Variants in FAM184B observed in about 807,000 individuals in gnomAD.
FAM184B encodes the protein family with sequence similarity 184 member B, also known as protein FAM184B.
In FAM184B, 111 loss-of-function variants were observed where a neutral mutation model predicts 135.9. That is an observed-to-expected ratio of 0.82 (90% CI 0.70 to 0.96). The LOEUF (loss-of-function observed/expected upper bound fraction) is 0.96. Among genes scored for constraint, FAM184B ranks in the 40% least tolerant of loss-of-function variants. The pLI is 0.00. For missense variants in FAM184B, 1,375 were observed against 1,323.9 expected (o/e 1.04, Z -0.60); for synonymous variants, 552 against 524.8 (o/e 1.05, Z -0.71).
intron 1 of FAM184B, among the ~76,000 whole-genome samples, chr4:17,767,461 C>T (rs1433980827): frequency 6.6e-6 from 1 of 152,150 alleles, no homozygotes; most frequent in African/African-American, 2.4e-5. Flanking sequence ...AGGAAGAAAA[C>T]CTGGTATCAA....
At chr4:17,639,446 C>T (rs777579561) in intron 13 of FAM184B, 50 bp from the exon 14 acceptor site, 1 of 1,542,662 alleles carries the variant, frequency 6.5e-7, no homozygotes, top group Non-Finnish European at 8.8e-7. Flanking sequence ...AGGGATGGCA[C>T]CCCTTGGGCT....
At chr4:17,755,988 T>C (rs940875427) in intron 1 of FAM184B, among the ~76,000 whole-genome samples, 2 of 152,138 alleles carry the variant, frequency 1.3e-5, no homozygotes, top group South Asian at 2.1e-4. Flanking sequence ...GGTTGATCTG[T>C]GCAGCAAATC....
chr4:17,678,281 C>A (rs1302364621), intron 7 of FAM184B, among the ~76,000 whole-genome samples: 1 of 152,122 alleles, frequency 6.6e-6, no homozygotes, highest in East Asian at 1.9e-4. Context: ...CCTAAAGACT[C>A]CTCCAAAAAG....
rs966117823 is a variant in FAM184B, at chr4:17,652,841, G to A, written c.2180C>T (p.Ala727Val). Residue 727 changes from alanine (A) to valine (V), a missense_variant, in exon 11 of 18, where the codon GCC becomes GTC. Ala to Val is a moderately conservative substitution (Grantham distance 64). Transcript: ENST00000265018. ...TATTGGGTGTATACCTAGCAGCAGG[G>A]CCTGCTGTGCCTGCATCCTCTCACG... ...EERERMQAQQ[A>V]LLLESLRQEL... 1.2e-5 allele frequency: 18 copies of A among 1,551,042 alleles called. No homozygotes were observed. In the African/African-American group the frequency reaches 1.9e-4, roughly 17 times the overall value.
intron 15 of FAM184B, among the ~76,000 whole-genome samples, 173 bp downstream of exon 15, chr4:17,636,355 C>T (rs561435474): frequency 2.6e-5 from 4 of 152,228 alleles, no homozygotes; most frequent in South Asian, 2.1e-4. Context: ...CACCCGCCTC[C>T]GCCTCCCAAA....
chr4:17,635,732 C>T (rs1715106403), intron 15 of FAM184B, among the ~76,000 whole-genome samples: 2 of 150,798 alleles, frequency 1.3e-5, no homozygotes, highest in African/African-American at 4.9e-5. Flanking sequence ...GCAATAATTC[C>T]ATATCAATGT....
intron 1 of FAM184B, among the ~76,000 whole-genome samples, chr4:17,735,973 C>G (rs1396643536): frequency 6.6e-6 from 1 of 152,142 alleles, no homozygotes; most frequent in African/African-American, 2.4e-5. Flanking sequence ...ACCAGTTTTA[C>G]AAAAACATCA....
chr4:17,657,434 TCTCCCTTGGTTTG>T (rs1251512615), intron 10 of FAM184B, among the ~76,000 whole-genome samples: 2 of 152,120 alleles, frequency 1.3e-5, no homozygotes, highest in African/African-American at 2.4e-5. Flanking sequence ...TTTTATTCCC[TCTCCCTTGGTTTG>T]CTCCCTTGTT....
chr4:17,712,708 T>C (rs1717307421), intron 1 of FAM184B, among the ~76,000 whole-genome samples: 1 of 152,020 alleles, frequency 6.6e-6, no homozygotes, highest in African/African-American at 2.4e-5. Flanking sequence ...ATGGAAGAGC[T>C]TTCACACTCA....
chr4:17,669,825 C>T (rs1337056920), intron 7 of FAM184B, among the ~76,000 whole-genome samples: 1 of 152,158 alleles, frequency 6.6e-6, no homozygotes, highest in Non-Finnish European at 1.5e-5. Context: ...AAGATTCGAA[C>T]AAGATCAGCA....
chr4:17,668,762 C>T (rs1293653689), intron 7 of FAM184B, among the ~76,000 whole-genome samples: 1 of 152,182 alleles, frequency 6.6e-6, no homozygotes, highest in East Asian at 1.9e-4. Context: ...TCTTGAACTC[C>T]TGACCTCAAG....
At position 17,709,295 on chromosome 4, in the gene FAM184B, T is replaced by C; in HGVS notation, c.491A>G (p.His164Arg). 6.5e-7 allele frequency: 1 copy of C among 1,547,760 alleles called. No individual in the cohort carries two copies. Among genetic ancestry groups the C allele is most frequent in the Non-Finnish European group, 8.7e-7 (1 of 1,145,622 alleles). Residue 164 changes from histidine (H) to arginine (R), a missense_variant, in exon 2 of 18, where the codon CAC becomes CGC. Physicochemically the swap from His to Arg is conservative, Grantham distance 29. Transcript: ENST00000265018. ...CGGGGTAGCCTCGTGGCTCGTCAGG[T>C]GCTGGAGCCTCCTCTCGTAGTCAGC... ...LKADYERRLQ[H>R]LTSHEATPQG...
chr4:17,639,535 G>C (rs1036683505), intron 13 of FAM184B, 139 bp from the exon 14 acceptor site: 5 of 1,042,884 alleles, frequency 4.8e-6, no homozygotes, highest in Admixed American at 5.0e-5. Flanking sequence ...ACACCTGTGG[G>C]AAGAAGAGCT....
intron 14 of FAM184B, 69 bp from the exon 15 acceptor site, chr4:17,636,714 C>T: frequency 7.8e-7 from 1 of 1,275,664 alleles, no homozygotes; most frequent in East Asian, 2.6e-5. Flanking sequence ...AGAACAAGTG[C>T]ACACGATGGG....
chr4:17,639,642 C>A (rs1428306595), intron 13 of FAM184B, among the ~76,000 whole-genome samples: 1 of 152,112 alleles, frequency 6.6e-6, no homozygotes, highest in African/African-American at 2.4e-5. Flanking sequence ...AGCATGGGGA[C>A]AGACTTCAGG....
chr4:17,659,593 TCTCCTGCCTCAGC>T (rs1041438306), intron 9 of FAM184B, among the ~76,000 whole-genome samples: 7 of 146,890 alleles, frequency 4.8e-5, no homozygotes, highest in African/African-American at 7.6e-5. Flanking sequence ...TTCAAGCAAT[TCTCCTGCCTCAGC>T]CTCCCGAGTA....
intron 7 of FAM184B, among the ~76,000 whole-genome samples, chr4:17,670,036 C>T (rs1293769811): frequency 6.6e-6 from 1 of 152,132 alleles, no homozygotes; most frequent in Admixed American, 6.6e-5. Flanking sequence ...ACCCAGTGCT[C>T]ACATTTTACA....
At chr4:17,658,975 C>T (rs1372254576) in intron 9 of FAM184B, among the ~76,000 whole-genome samples, 3 of 152,122 alleles carry the variant, frequency 2.0e-5, no homozygotes, top group African/African-American at 7.2e-5. Context: ...CTCTGCCCTG[C>T]TCTAGTTTTC....
At chr4:17,777,416 A>T (rs75480050) in intron 1 of FAM184B, among the ~76,000 whole-genome samples, 5,995 of 152,314 alleles carry the variant, frequency 0.039, 307 homozygotes, top group African/African-American at 0.12. Context: ...TTAATGACTA[A>T]AACAATGTTG....
Sources: allele counts gnomAD v4.1 joint callset (sites outside exome capture counted in the v4.1 genomes callset), GRCh38; gene constraint gnomAD v4.1.1; transcripts MANE v1.5; gene names NCBI Gene and HGNC (gene_info 2026-07-23, HGNC 2026-07-21).